Variants in ASPH observed in about 807,000 individuals in gnomAD.
ASPH encodes the protein aspartyl/asparaginyl beta-hydroxylase.
Under a neutral mutation model 118.4 loss-of-function variants are expected in ASPH, and 100 were observed. That is an observed-to-expected ratio of 0.84 (90% confidence interval 0.72 to 1.00). The LOEUF (loss-of-function observed/expected upper bound fraction) is 1.00, where lower values mean the gene tolerates loss of function less well. ASPH is among the 50% of genes least tolerant of loss of function. The pLI is 0.00. For missense variants in ASPH, 920 were observed against 919.5 expected (o/e 1.00, Z -0.01); for synonymous variants, 315 against 325.6 (o/e 0.97, Z 0.35).
intron 3 of ASPH, among the ~76,000 whole-genome samples, chr8:61,678,644 A>G (rs1027951814): frequency 2.0e-5 from 3 of 151,482 alleles, no homozygotes; most frequent in Non-Finnish European, 3.0e-5. Flanking sequence ...AAGAATCTAG[A>G]AAAAAAAACT....
intron 1 of ASPH, chr8:61,689,970 C>G: frequency 1.3e-6 from 1 of 762,538 alleles, no homozygotes; most frequent in Non-Finnish European, 1.7e-6. Flanking sequence ...TTACGGGATT[C>G]TTTTCCCAGT....
chr8:61,593,361 A>G (rs1841717631), intron 14 of ASPH, among the ~76,000 whole-genome samples: 1 of 151,624 alleles, frequency 6.6e-6, no homozygotes, highest in Admixed American at 6.6e-5. Context: ...CTCTCTTACC[A>G]AGGATGGCAC....
intron 10 of ASPH, among the ~76,000 whole-genome samples, chr8:61,641,853 C>T (rs7812327): frequency 0.34 from 51,071 of 151,972 alleles, 8,630 homozygotes; most frequent in South Asian, 0.38. Context: ...ATTTCTTCAT[C>T]GTTCTTGCTT....
At chr8:61,675,363 G>A in intron 3 of ASPH, 1 of 967,420 alleles carries the variant, frequency 1.0e-6, no homozygotes, top group Non-Finnish European at 1.2e-6. Flanking sequence ...ACTTTCTCTG[G>A]ATGTATATTT....
intron 3 of ASPH, chr8:61,657,740 G>A (rs1167505912): frequency 6.6e-6 from 1 of 152,092 alleles, no homozygotes; most frequent in Non-Finnish European, 1.5e-5. Flanking sequence ...TGTGACTTGA[G>A]GGAACACAAA....
intron 14 of ASPH, among the ~76,000 whole-genome samples, chr8:61,589,584 C>T (rs1300832728): frequency 6.6e-6 from 1 of 152,198 alleles, no homozygotes; most frequent in East Asian, 1.9e-4. Flanking sequence ...CTGCCCTCTT[C>T]CTTACCAGCC....
At chr8:61,526,230 GA>G in intron 21 of ASPH, 118 bp from the exon 22 acceptor site, 2 of 1,320,120 alleles carry the variant, frequency 1.5e-6, no homozygotes, top group Admixed American at 4.6e-5. Flanking sequence ...GCCTTATCTA[GA>G]TTGCTTATAT....
intron 22 of ASPH, among the ~76,000 whole-genome samples, chr8:61,520,119 A>T (rs1812402678): frequency 6.6e-6 from 1 of 152,216 alleles, no homozygotes; most frequent in Non-Finnish European, 1.5e-5. Context: ...GATTTAAATG[A>T]AGAAGGCGTC....
intron 1 of ASPH, among the ~76,000 whole-genome samples, chr8:61,713,993 T>C (rs1838723235): frequency 6.6e-6 from 1 of 152,240 alleles, no homozygotes; most frequent in Non-Finnish European, 1.5e-5. Context: ...CAGCAACCTC[T>C]GTCTCGGCTG....
intron 1 of ASPH, chr8:61,687,345 A>G (rs1830939500): frequency 6.6e-6 from 1 of 152,214 alleles, no homozygotes; most frequent in African/African-American, 2.4e-5. Context: ...GCATGCACCA[A>G]AACAGCAAGG....
At chr8:61,588,831 C>T (rs1005480926) in intron 14 of ASPH, among the ~76,000 whole-genome samples, 1 of 152,148 alleles carries the variant, frequency 6.6e-6, no homozygotes, top group African/African-American at 2.4e-5. Flanking sequence ...AAATATTCAC[C>T]ACAGGGTTGT....
chr8:61,705,745 T>G (rs1002864934), intron 1 of ASPH, among the ~76,000 whole-genome samples: 1 of 152,100 alleles, frequency 6.6e-6, no homozygotes, highest in African/African-American at 2.4e-5. Context: ...CTAAAATTTG[T>G]GCAATTCACT....
intron 4 of ASPH, among the ~76,000 whole-genome samples, chr8:61,653,191 T>A (rs1440671449): frequency 2.0e-5 from 3 of 152,094 alleles, no homozygotes; most frequent in African/African-American, 7.2e-5. Flanking sequence ...GAGAAACCAC[T>A]AGATCTACTC....
At chr8:61,600,685 G>C (rs1843724568) in intron 14 of ASPH, among the ~76,000 whole-genome samples, 1 of 151,166 alleles carries the variant, frequency 6.6e-6, no homozygotes. Context: ...AGGAAAATTG[G>C]AACAAAGAAG....
At chr8:61,606,816 C>T (rs1439803589) in intron 14 of ASPH, 1 of 154,602 alleles carries the variant, frequency 6.5e-6, no homozygotes, top group Non-Finnish European at 1.4e-5. Context: ...CCCATGACAC[C>T]CAAGTTAAGT....
rs1326442882 is a variant in ASPH at position 61,663,142 on chromosome 8, G to C, written c.323-9482C>G. 3 of 985,248 alleles carry C rather than the reference G, an allele frequency of 3.0e-6. No homozygotes were observed. In the African/African-American group the frequency reaches 5.2e-5, roughly 17 times the overall value. 61.0% of individuals were successfully genotyped at this position (985,248 alleles called of 1,614,324 possible). ...CACGGGGATATGGTTTGAGAATCGTGTAACTTTCATATGCCTGGGGGACAT... is the reference window on the plus strand; with the variant it reads ...CACGGGGATATGGTTTGAGAATCGTCTAACTTTCATATGCCTGGGGGACAT... On this transcript the variant is annotated intron_variant, in intron 3 of 24. Transcript: ENST00000379454.
At chr8:61,619,476 T>A (rs755569152) in intron 13 of ASPH, among the ~76,000 whole-genome samples, 1 of 152,212 alleles carries the variant, frequency 6.6e-6, no homozygotes, top group African/African-American at 2.4e-5. Flanking sequence ...AATATTAGTC[T>A]GCTACTCTAA....
chr8:61,707,314 G>A (rs1836937227), intron 1 of ASPH, among the ~76,000 whole-genome samples: 1 of 151,766 alleles, frequency 6.6e-6, no homozygotes, highest in Admixed American at 6.6e-5. Flanking sequence ...ATACGAACAG[G>A]CAATTCAAAG....
At chr8:61,605,977 G>A (rs1335769080) in intron 14 of ASPH, among the ~76,000 whole-genome samples, 3 of 152,184 alleles carry the variant, frequency 2.0e-5, no homozygotes, top group African/African-American at 7.2e-5. Context: ...TTCTCAGGGG[G>A]TGAAAGACAA....
Sources: gnomAD v4.1 joint callset for allele counts (sites outside exome capture counted in the v4.1 genomes callset) on GRCh38, gnomAD v4.1.1 for gene constraint, MANE v1.5 for transcripts, NCBI Gene and HGNC (gene_info 2026-07-23, HGNC 2026-07-21) for gene names.